ATF7IP2: variants seen among roughly 807,000 people sequenced by gnomAD.
ATF7IP2 encodes the protein activating transcription factor 7 interacting protein 2, also known as activating transcription factor 7-interacting protein 2.
Under a neutral mutation model 64.2 loss-of-function variants are expected in ATF7IP2, and 42 were observed. The observed-to-expected ratio is 0.65, with a 90% CI of 0.51 to 0.85. The LOEUF (loss-of-function observed/expected upper bound fraction) is 0.85. ATF7IP2 is among the 40% of genes least tolerant of loss of function. The pLI is 0.00. For missense variants in ATF7IP2, 933 were observed against 784.2 expected, an observed-to-expected ratio of 1.19 and a Z score of -2.27; for synonymous variants, 308 against 272.8, an observed-to-expected ratio of 1.13 and a Z score of -1.27.
chr16:10,463,260 G>A (rs1218607039), intron 9 of ATF7IP2, among the ~76,000 whole-genome samples: 1 of 152,190 alleles, frequency 6.6e-6, no homozygotes, highest in Non-Finnish European at 1.5e-5. Flanking sequence ...GATTCACTCT[G>A]TACTCTGGAA....
In ATF7IP2 at chr16:10,438,103, C is replaced by A; in HGVS notation, c.963C>A (p.Val321=). 6.5e-7 allele frequency: 1 copy of A among 1,536,540 alleles called. No homozygotes were observed. Among genetic ancestry groups the A allele is most frequent in the African/African-American group, 1.4e-5 (1 of 70,554 alleles). Residue 321 remains valine, a splice_region_variant and synonymous_variant, in exon 7 of 14, where the codon GTC becomes GTA. Coordinates refer to ENST00000562102, the MANE Select transcript of ATF7IP2 (RefSeq NM_001393719.1). The part of the protein sequence containing the change: ...LERQTAFLEQ[V]RHLIQQEIYS... ...TGGTTTTTATTTTAAAATTCTAGGT[C>A]AGACATTTGATTCAGCAGGAGATCT...
chr16:10,429,747 TA>T (rs1377987039), intron 4 of ATF7IP2, among the ~76,000 whole-genome samples: 207 of 144,026 alleles, frequency 1.4e-3, no homozygotes, highest in African/African-American at 4.4e-3. Flanking sequence ...TTATTTTATT[TA>T]TTTTATTTTA....
At position 10,472,188 on chromosome 16, in the gene ATF7IP2, CT is replaced by C; in HGVS notation, c.1426+7del. On this transcript the variant is annotated splice_donor_region_variant and intron_variant, in intron 10 of 13. Transcript: ENST00000562102. ...CAATTACATCAAATCCAACAGGTAT[CT>C]TATAGCTGATTAGAATATGATCTAT... The C allele has an allele frequency of 6.7e-7, 1 of 1,501,748 alleles. No individual in the cohort carries two copies. Among genetic ancestry groups the C allele is most frequent in the Non-Finnish European group, 9.1e-7 (1 of 1,096,088 alleles). 93.0% of individuals were successfully genotyped at this position (1,501,748 alleles called of 1,614,324 possible).
intron 8 of ATF7IP2, chr16:10,445,169 G>C (rs2048760194): frequency 6.6e-6 from 1 of 152,146 alleles, no homozygotes. Flanking sequence ...CATAGCTTGG[G>C]GTCCCCAATG....
intron 9 of ATF7IP2, 49 bp downstream of exon 9, chr16:10,457,578 G>T (rs764952189): frequency 7.4e-7 from 1 of 1,353,396 alleles, no homozygotes; most frequent in Non-Finnish European, 1.0e-6. Flanking sequence ...CTATAATAAT[G>T]AATTTTTTCT....
intron 9 of ATF7IP2, among the ~76,000 whole-genome samples, chr16:10,469,866 T>C (rs1278741281): frequency 1.4e-5 from 2 of 148,018 alleles, no homozygotes; most frequent in Non-Finnish European, 3.0e-5. Flanking sequence ...ATTGAGATCA[T>C]AGATACTTCT....
chr16:10,394,045 A>G (rs1176603333), intron 1 of ATF7IP2, among the ~76,000 whole-genome samples: 2 of 152,196 alleles, frequency 1.3e-5, no homozygotes, highest in South Asian at 4.1e-4. Context: ...AACAAAAACA[A>G]CCAAGTAATG....
chr16:10,439,210 A>T (rs2048524855), intron 7 of ATF7IP2, among the ~76,000 whole-genome samples: 2 of 152,004 alleles, frequency 1.3e-5, no homozygotes, highest in Non-Finnish European at 2.9e-5. Context: ...TTGTAGACCA[A>T]TTAGAAGTTT....
In ATF7IP2 at chr16:10,433,554, G is replaced by C. The variant is rs769345893; in HGVS notation, c.865G>C (p.Glu289Gln). ...SHYQKKRMFS[E>Q]NEENVKRMKT... is the part of the protein sequence containing the mutation. Reference sequence around the variant, plus strand: ...TTATCAAAAGAAGAGGATGTTTTCAGAAAACGAGGAAAATGTTAAACGCAT... The same window carrying C: ...TTATCAAAAGAAGAGGATGTTTTCACAAAACGAGGAAAATGTTAAACGCAT... Residue 289 changes from glutamate (E) to glutamine (Q), a missense_variant, in exon 6 of 14, where the codon GAA (glutamate) becomes CAA (glutamine). Glu to Gln is a conservative substitution (Grantham distance 29). Transcript: ENST00000562102. 2 of 1,612,910 alleles carry C rather than the reference G, an allele frequency of 1.2e-6. No individual in the cohort carries two copies. The highest frequency in any genetic ancestry group is 1.7e-6 in the Non-Finnish European group (2 of 1,179,132).
intron 1 of ATF7IP2, among the ~76,000 whole-genome samples, chr16:10,393,954 A>G (rs2047376336): frequency 6.6e-6 from 1 of 152,192 alleles, no homozygotes; most frequent in Non-Finnish European, 1.5e-5. Flanking sequence ...ATGTGGGAAG[A>G]TCACTTGAGC....
intron 8 of ATF7IP2, among the ~76,000 whole-genome samples, chr16:10,453,173 A>T (rs2049044966): frequency 1.3e-5 from 2 of 152,180 alleles, no homozygotes; most frequent in Non-Finnish European, 2.9e-5. Flanking sequence ...TGTCTGCCCT[A>T]ACAGCCACCC....
chr16:10,457,255 G>C (rs2049201123), intron 8 of ATF7IP2, 117 bp from the exon 9 acceptor site: 1 of 842,498 alleles, frequency 1.2e-6, no homozygotes, highest in African/African-American at 1.8e-5. Flanking sequence ...AAATACATGT[G>C]ATTTAACTTA....
chr16:10,441,811 T>G (rs2048633423), intron 8 of ATF7IP2, among the ~76,000 whole-genome samples: 1 of 152,234 alleles, frequency 6.6e-6, no homozygotes, highest in Non-Finnish European at 1.5e-5. Flanking sequence ...AGTCATGAAG[T>G]CTTTGCCCAT....
At chr16:10,469,148 T>C (rs138143890) in intron 9 of ATF7IP2, among the ~76,000 whole-genome samples, 1 of 152,236 alleles carries the variant, frequency 6.6e-6, no homozygotes, top group Non-Finnish European at 1.5e-5. Flanking sequence ...AAATATGACC[T>C]ATCAACAAGG....
chr16:10,428,201 T>C (rs542258683), intron 3 of ATF7IP2, among the ~76,000 whole-genome samples: 61 of 152,338 alleles, frequency 4.0e-4, no homozygotes, highest in African/African-American at 1.5e-3. Flanking sequence ...AAATGCAGGT[T>C]ACTGATAGTA....
In ATF7IP2 at chr16:10,482,387, T is replaced by G. The variant is rs2050270505; in HGVS notation, c.*138T>G. ...TTGGGACAGTCCTCTTCTATATGTT[T>G]TAAGTGGCCAGTAATTTAATGAATT... is the stretch of plus-strand genomic sequence containing the variant. On this transcript the variant is annotated 3_prime_UTR_variant, in exon 14 of 14. Transcript: ENST00000562102. 9.7e-6 allele frequency: 6 copies of G among 617,954 alleles called. No individual in the cohort carries two copies. Among genetic ancestry groups the G allele is most frequent in the Non-Finnish European group, 8.2e-6 (3 of 367,164 alleles). The allele number at this position is 617,954 out of a possible 1,614,324, so 38.3% of individuals were successfully genotyped here. A position where few individuals can be genotyped will look rare whatever the true frequency, so the allele number is the denominator to read the frequency against.
chr16:10,401,279 T>A (rs1343503985), intron 1 of ATF7IP2, among the ~76,000 whole-genome samples: 1 of 152,096 alleles, frequency 6.6e-6, no homozygotes, highest in Non-Finnish European at 1.5e-5. Context: ...GCGATTCTCC[T>A]GCCCCAGCAT....
intron 9 of ATF7IP2, among the ~76,000 whole-genome samples, chr16:10,464,712 G>A (rs1016651293): frequency 4.6e-5 from 7 of 152,158 alleles, no homozygotes; most frequent in Non-Finnish European, 1.0e-4. Flanking sequence ...GTGTGATAAG[G>A]AAATGTTTAC....
At chr16:10,411,892 G>T in intron 1 of ATF7IP2, among the ~76,000 whole-genome samples, 1 of 138,568 alleles carries the variant, frequency 7.2e-6, no homozygotes, top group Non-Finnish European at 1.5e-5. Flanking sequence ...TTTGTTTCTA[G>T]TTGAGCTTAT....
Sources: gnomAD v4.1 joint callset for allele counts (sites outside exome capture counted in the v4.1 genomes callset) on GRCh38, gnomAD v4.1.1 for gene constraint, MANE v1.5 for transcripts, NCBI Gene and HGNC (gene_info 2026-07-23, HGNC 2026-07-21) for gene names.